The following ADAMTS5 variants were observed in gnomAD, a reference collection of about 807,000 sequenced individuals.
ADAMTS5 encodes the protein ADAM metallopeptidase with thrombospondin type 1 motif 5, also known as A disintegrin and metalloproteinase with thrombospondin motifs 5.
In ADAMTS5, 54 loss-of-function variants were observed where a neutral mutation model predicts 81.4. That is an observed-to-expected ratio of 0.66 (90% confidence interval 0.53 to 0.83). The LOEUF is 0.83. ADAMTS5 is among the 40% of genes least tolerant of loss of function. The pLI, the probability that ADAMTS5 is intolerant of heterozygous loss-of-function variation, is 0.00. For missense variants in ADAMTS5, 1,194 were observed against 1,229.9 expected, an observed-to-expected ratio of 0.97 and a Z score of 0.44; for synonymous variants, 532 against 508.8, an observed-to-expected ratio of 1.05 and a Z score of -0.61.
In ADAMTS5 at chr21:26,927,392, G is replaced by A. The variant is rs759752914; in HGVS notation, c.2225+2494C>T. ...AGGAGATGTCCTCTTGTACATTTAC[G>A]GTAGCCACCATCTGGGGAGGTGATA... On this transcript the variant is annotated intron_variant, in intron 7 of 7. Coordinates refer to ENST00000284987, the MANE Select transcript of ADAMTS5 (RefSeq NM_007038.5). 1.8e-4 allele frequency among the ~76,000 whole-genome samples: 27 copies of A among 152,230 alleles called. 1 individual carries two copies. Among genetic ancestry groups the A allele is most frequent in the African/African-American group, 4.6e-4 (19 of 41,550 alleles).
At chr21:26,964,311 T>C (rs535203892) in intron 1 of ADAMTS5, among the ~76,000 whole-genome samples, 1 of 152,304 alleles carries the variant, frequency 6.6e-6, no homozygotes, top group African/African-American at 2.4e-5. Context: ...TTTGTGTAAA[T>C]GTCACACTAA....
chr21:26,960,889 T>C (rs1271689936), intron 1 of ADAMTS5, among the ~76,000 whole-genome samples: 1 of 152,206 alleles, frequency 6.6e-6, no homozygotes, highest in Non-Finnish European at 1.5e-5. Context: ...TAACTCCCAC[T>C]CTTTCTTCAA....
At chr21:26,946,617 G>A (rs1173704365) in intron 2 of ADAMTS5, among the ~76,000 whole-genome samples, 1 of 152,154 alleles carries the variant, frequency 6.6e-6, no homozygotes, top group Admixed American at 6.5e-5. Flanking sequence ...TGGACAAGCA[G>A]ACCCCAGGAG....
intron 3 of ADAMTS5, among the ~76,000 whole-genome samples, chr21:26,942,753 A>G (rs1405243679): frequency 6.6e-6 from 1 of 152,170 alleles, no homozygotes; most frequent in African/African-American, 2.4e-5. Context: ...CTCTTGAACT[A>G]TATTTGAAGG....
At chr21:26,959,834 G>GC in intron 1 of ADAMTS5, among the ~76,000 whole-genome samples, 1 of 152,020 alleles carries the variant, frequency 6.6e-6, no homozygotes, top group East Asian at 1.9e-4. Context: ...ATTATTTCCT[G>GC]CCTGAATTAT....
intron 2 of ADAMTS5, among the ~76,000 whole-genome samples, chr21:26,951,678 T>C (rs1367855001): frequency 1.9e-4 from 10 of 53,012 alleles, no homozygotes; most frequent in African/African-American, 9.2e-4. Flanking sequence ...ACCCTCCATC[T>C]CAAAAAAAAA....
At position 26,965,617 on chromosome 21, in the gene ADAMTS5, G is replaced by A. The variant is rs759450119; in HGVS notation, c.775C>T (p.Arg259Trp). The A allele has an allele frequency of 4.4e-6, 7 of 1,596,028 alleles. No homozygotes were observed. The South Asian group carries it at 6.7e-5, about 15-fold the overall frequency. ...GSGPQTWWRR[R>W]RRSISRARQV... ...CGGGCCCGGGAGATGGAGCGGCGCC[G>A]CCGCCGCCACCACGTCTGCGGTCCT... The change falls in exon 1 of 8, where the codon CGG (arginine) becomes TGG (tryptophan). Residue 259 changes from arginine (R) to tryptophan (W), a missense_variant. Coordinates refer to ENST00000284987, the MANE Select transcript of ADAMTS5 (RefSeq NM_007038.5).
chr21:26,934,593 A>G lies in ADAMTS5; in HGVS notation c.1562T>C (p.Val521Ala), dbSNP rs1280098223. The G allele has an allele frequency of 2.5e-6, 4 of 1,614,068 alleles. No homozygotes were observed. In the African/African-American group the frequency reaches 5.3e-5, roughly 22 times the overall value. Reference sequence around the variant, plus strand: ...ACAGACCATCTGGCCCTGGCGTACCACAGCACACCACAGGCGAGCACAGAC... The same window carrying G: ...ACAGACCATCTGGCCCTGGCGTACCGCAGCACACCACAGGCGAGCACAGAC... ...MDVCARLWCA[V>A]VRQGQMVCLT... Residue 521 changes from valine to alanine, a missense_variant, in exon 4 of 8, where the codon GTG becomes GCG. Physicochemically the swap from Val to Ala is moderately conservative, Grantham distance 64. Transcript: ENST00000284987.
rs55646475 is a variant in ADAMTS5, at chr21:26,921,882, A to C, written c.*2171T>G. On this transcript the variant is annotated 3_prime_UTR_variant, in exon 8 of 8. Coordinates refer to ENST00000284987, the MANE Select transcript of ADAMTS5 (RefSeq NM_007038.5). ...AGTATAGTAAGAGAAGCAGAGTAGG[A>C]GACAACTACATTTATGCCTCGAGTA... 5.9e-5 allele frequency: 9 copies of C among 152,432 alleles called. No homozygotes were observed. The East Asian group carries it at 1.7e-3, about 29-fold the overall frequency. 9.4% of individuals were successfully genotyped at this position (152,432 alleles called of 1,614,324 possible).
intron 3 of ADAMTS5, among the ~76,000 whole-genome samples, chr21:26,936,082 T>A (rs1262258122): frequency 6.6e-6 from 1 of 152,184 alleles, no homozygotes; most frequent in African/African-American, 2.4e-5. Context: ...GCTCAGAGCC[T>A]GCCCTTTTCT....
chr21:26,932,460 G>A (rs748322668), intron 5 of ADAMTS5, among the ~76,000 whole-genome samples: 7 of 152,110 alleles, frequency 4.6e-5, no homozygotes, highest in African/African-American at 1.2e-4. Flanking sequence ...TTAGGGGGCC[G>A]AGGAGGGTGG....
chr21:26,945,149 A>AG (rs1483928701), intron 2 of ADAMTS5, among the ~76,000 whole-genome samples: 65 of 114,768 alleles, frequency 5.7e-4, no homozygotes, highest in African/African-American at 2.1e-3. Context: ...CACAGCTCAC[A>AG]GAAAAAAAAA....
At chr21:26,953,187 G>T (rs1490231818) in intron 2 of ADAMTS5, among the ~76,000 whole-genome samples, 1 of 152,212 alleles carries the variant, frequency 6.6e-6, no homozygotes, top group Non-Finnish European at 1.5e-5. Flanking sequence ...TTATAGGGAA[G>T]AAATGGAGAC....
At chr21:26,944,870 T>C (rs1356434892) in intron 2 of ADAMTS5, among the ~76,000 whole-genome samples, 1 of 152,128 alleles carries the variant, frequency 6.6e-6, no homozygotes, top group African/African-American at 2.4e-5. Context: ...CTGACTGCTG[T>C]TATGGCTGAA....
rs1318056367 is a variant in ADAMTS5, at chr21:26,918,729, T to C, written c.*5324A>G. ...AGTATAGGTAGACGTGTTTCTAATA[T>C]ATTGTGAGTTGTTAAAGAAAAGGCT... On this transcript the variant is annotated 3_prime_UTR_variant, in exon 8 of 8. Transcript: ENST00000284987. 1.3e-5 allele frequency: 2 copies of C among 151,930 alleles called. No homozygotes were observed. Among genetic ancestry groups the C allele is most frequent in the African/African-American group, 4.8e-5 (2 of 41,390 alleles). 9.4% of individuals were successfully genotyped at this position (151,930 alleles called of 1,614,324 possible). A position where few individuals can be genotyped will look rare whatever the true frequency, so the allele number is the denominator to read the frequency against.
chr21:26,958,741 A>G (rs1237101551), intron 1 of ADAMTS5, among the ~76,000 whole-genome samples: 1 of 152,214 alleles, frequency 6.6e-6, no homozygotes, highest in Non-Finnish European at 1.5e-5. Flanking sequence ...GCTTTAGGGA[A>G]CATCAGGCTC....
Position 26,924,008 on chromosome 21 carries a change from G to A in ADAMTS5, c.*45C>T. ...TCCTGTTCACCACGACTGCATCAGT[G>A]CTGAATCCTCCAGTTATCTTTGTGC... On this transcript the variant is annotated 3_prime_UTR_variant, in exon 8 of 8. Coordinates refer to ENST00000284987, the MANE Select transcript of ADAMTS5 (RefSeq NM_007038.5). The A allele has an allele frequency of 1.3e-6, 2 of 1,539,910 alleles. No individual in the cohort carries two copies. The highest frequency in any genetic ancestry group is 1.2e-5 in the South Asian group (1 of 80,994).
intron 7 of ADAMTS5, 59 bp from the exon 8 acceptor site, chr21:26,924,679 AATG>A: frequency 6.6e-6 from 9 of 1,369,774 alleles, no homozygotes; most frequent in Non-Finnish European, 9.0e-6. Flanking sequence ...GGGAGAAAAA[AATG>A]AGTAAACACT....
rs144168297 is a variant in ADAMTS5, at chr21:26,926,762, T to C, written c.2226-2142A>G. Among the ~76,000 whole-genome samples, 595 of 151,898 alleles carry C rather than the reference T, an allele frequency of 3.9e-3. 3 individuals are homozygous for C. The highest frequency in any genetic ancestry group is 0.014 in the African/African-American group (567 of 41,418). ...ATAAAATCCTGACCCCTGCCAGCCA[T>C]ATGTTATAGCAGTTAAATGAAATTA... On this transcript the variant is annotated intron_variant, in intron 7 of 7. Transcript: ENST00000284987.
Sources: gnomAD v4.1 joint callset for allele counts (sites outside exome capture counted in the v4.1 genomes callset) on GRCh38, gnomAD v4.1.1 for gene constraint, MANE v1.5 for transcripts, NCBI Gene and HGNC (gene_info 2026-07-23, HGNC 2026-07-21) for gene names.